Variants in SIPA1L2 observed in about 807,000 individuals in gnomAD.
SIPA1L2 encodes the protein signal induced proliferation associated 1 like 2.
In SIPA1L2, 56 loss-of-function variants were observed where a neutral mutation model predicts 163.9. The observed-to-expected ratio is 0.34, with a 90% CI of 0.28 to 0.43. SIPA1L2 has a LOEUF of 0.43. Ranked by LOEUF, SIPA1L2 falls within the 20% of genes least tolerant of loss-of-function variation. The pLI, the probability that SIPA1L2 is intolerant of heterozygous loss-of-function variation, is 1.00. For synonymous variants in SIPA1L2, 877 were observed against 865.7 expected (o/e 1.01, Z -0.23); for missense variants, 1,974 against 2,193.5 (o/e 0.90, Z 2.00).
In SIPA1L2 at chr1:232,410,762, AT is replaced by A. The variant is rs535894103; in HGVS notation, c.4762+4731del. On this transcript the variant is annotated intron_variant, in intron 19 of 22. Transcript: ENST00000674635. ...TCTAAGTACCTTATCCACCAAATGT[AT>A]TCCTATATAGCTACTTGACGTTCCT... Among the ~76,000 whole-genome samples the A allele has an allele frequency of 6.7e-3, 1,016 of 152,246 alleles. 18 individuals are homozygous for A. The highest frequency in any genetic ancestry group is 0.023 in the African/African-American group (946 of 41,524).
intron 2 of SIPA1L2, among the ~76,000 whole-genome samples, chr1:232,528,102 A>ATATATATATATAT (rs34779799): frequency 2.4e-4 from 28 of 118,412 alleles, no homozygotes; most frequent in African/African-American, 4.8e-4. Context: ...ATATATATAT[A>ATATATATATATAT]ATCAACTTTC....
At chr1:232,504,751 G>A (rs1354515413) in intron 3 of SIPA1L2, among the ~76,000 whole-genome samples, 1 of 152,118 alleles carries the variant, frequency 6.6e-6, no homozygotes, top group East Asian at 1.9e-4. Context: ...ATAATATTAA[G>A]TATCTTTCAC....
At chr1:232,445,836 T>C in intron 10 of SIPA1L2, 50 bp from the exon 11 acceptor site, 1 of 1,580,352 alleles carries the variant, frequency 6.3e-7, no homozygotes, top group Non-Finnish European at 8.6e-7. Flanking sequence ...AGCTGAGCTG[T>C]CAGCATGGCT....
At chr1:232,570,132 A>C (rs1255979971) in intron 2 of SIPA1L2, among the ~76,000 whole-genome samples, 1 of 152,240 alleles carries the variant, frequency 6.6e-6, no homozygotes, top group South Asian at 2.1e-4. Context: ...AGTGCCAGCT[A>C]TCTCGGAAAA....
At chr1:232,613,028 A>C (rs561253020) in intron 1 of SIPA1L2, among the ~76,000 whole-genome samples, 2 of 152,202 alleles carry the variant, frequency 1.3e-5, no homozygotes, top group African/African-American at 4.8e-5. Context: ...ACGAGATCTG[A>C]TGGTTTTCAT....
rs1660136552 is a variant in SIPA1L2, at chr1:232,398,232, T to C, written c.*895A>G. On this transcript the variant is annotated 3_prime_UTR_variant, in exon 23 of 23. Transcript: ENST00000674635. ...AAGGTTAAATAAGCTTAAATAAGGGTGTTAAATACAAGACACTTCATCAAA... is the reference window on the plus strand; with the variant it reads ...AAGGTTAAATAAGCTTAAATAAGGGCGTTAAATACAAGACACTTCATCAAA... 6.6e-6 allele frequency: 1 copy of C among 152,554 alleles called. No individual in the cohort carries two copies. The highest frequency in any genetic ancestry group is 1.5e-5 in the Non-Finnish European group (1 of 68,020). 9.5% of individuals were successfully genotyped at this position (152,554 alleles called of 1,614,324 possible). A position where few individuals can be genotyped will look rare whatever the true frequency, so the allele number is the denominator to read the frequency against.
chr1:232,568,308 C>G (rs1367157421), intron 2 of SIPA1L2, among the ~76,000 whole-genome samples: 4 of 152,162 alleles, frequency 2.6e-5, no homozygotes, highest in African/African-American at 9.7e-5. Context: ...CTGACACTAT[C>G]TCCAGGTAAA....
chr1:232,613,956 GGCA>G (rs1408397311), intron 1 of SIPA1L2, among the ~76,000 whole-genome samples: 2 of 152,058 alleles, frequency 1.3e-5, no homozygotes, highest in South Asian at 2.1e-4. Context: ...TTAGCAGGAG[GGCA>G]TTGTGCAGAA....
chr1:232,551,236 G>A lies in SIPA1L2; in HGVS notation c.-270+22938C>T, dbSNP rs563966566. On this transcript the variant is annotated intron_variant, in intron 2 of 22. Transcript: ENST00000674635. ...CAAAAAACAAAAACCACAAAACACT[G>A]GTGTAGTCCCTTCTGTCATGTCCCC... 7.9e-5 allele frequency among the ~76,000 whole-genome samples: 12 copies of A among 152,218 alleles called. No individual in the cohort carries two copies. In the South Asian group the frequency reaches 2.5e-3, roughly 32 times the overall value.
At chr1:232,553,972 C>A (rs1658552474) in intron 2 of SIPA1L2, among the ~76,000 whole-genome samples, 1 of 152,086 alleles carries the variant, frequency 6.6e-6, no homozygotes, top group Admixed American at 6.6e-5. Context: ...GCAGCAAGGC[C>A]CCATGGTAGG....
At chr1:232,449,513 G>A (rs1311438192) in intron 10 of SIPA1L2, among the ~76,000 whole-genome samples, 4 of 108,868 alleles carry the variant, frequency 3.7e-5, no homozygotes, top group African/African-American at 7.1e-5. Flanking sequence ...GCGAGACTCC[G>A]TCTCAAAAAA....
intron 1 of SIPA1L2, among the ~76,000 whole-genome samples, chr1:232,591,748 C>A (rs1353233426): frequency 6.6e-6 from 1 of 152,182 alleles, no homozygotes; most frequent in Non-Finnish European, 1.5e-5. Flanking sequence ...AAAATGCTTC[C>A]GAGCCCTTGT....
At chr1:232,534,383 TTAAC>T (rs1178417853) in intron 2 of SIPA1L2, among the ~76,000 whole-genome samples, 2 of 152,092 alleles carry the variant, frequency 1.3e-5, no homozygotes, top group Non-Finnish European at 2.9e-5. Flanking sequence ...TATACAAAAA[TTAAC>T]TAAAAATGGA....
In SIPA1L2 at chr1:232,441,755, A is replaced by G. The variant is rs1662910326; in HGVS notation, c.3538+13T>C. 1.2e-5 allele frequency: 19 copies of G among 1,610,354 alleles called. No homozygotes were observed. Among genetic ancestry groups the G allele is most frequent in the Non-Finnish European group, 1.5e-5 (18 of 1,177,086 alleles). ...GGAGCAAGGGAGGTCAATTTCCAGG[A>G]GTTCCTTATTACCCGGGTGCCTGCT... is the stretch of plus-strand genomic sequence containing the variant. On this transcript the variant is annotated intron_variant, in intron 13 of 22. Coordinates refer to ENST00000674635, the MANE Select transcript of SIPA1L2 (RefSeq NM_020808.5).
chr1:232,574,288 T>C (rs1200395592), intron 1 of SIPA1L2, among the ~76,000 whole-genome samples, 66 bp from the exon 2 acceptor site: 1 of 152,170 alleles, frequency 6.6e-6, no homozygotes, highest in African/African-American at 2.4e-5. Context: ...TTTCAACATG[T>C]GGTCTGAGGA....
chr1:232,533,096 G>A (rs556142668), intron 2 of SIPA1L2, among the ~76,000 whole-genome samples: 176 of 152,312 alleles, frequency 1.2e-3, no homozygotes, highest in South Asian at 2.3e-3. Flanking sequence ...CAGGTCAGTT[G>A]CTGGAGAATT....
intron 1 of SIPA1L2, among the ~76,000 whole-genome samples, chr1:232,610,622 C>T (rs550403459): frequency 3.3e-5 from 5 of 152,144 alleles, no homozygotes; most frequent in Non-Finnish European, 5.9e-5. Flanking sequence ...AACAAGCAAC[C>T]CCCTCCACAT....
rs769994881 is a variant in SIPA1L2, at chr1:232,402,443, T to C, written c.4971A>G (p.Lys1657=). ...GERSPSPLTG[K]VNQLELILRQ... ...GAAGAATTAATTCCAGCTGATTGACTTTCCCGGTCAGTGGTGATGGAGAAC... is the reference window on the plus strand; with the variant it reads ...GAAGAATTAATTCCAGCTGATTGACCTTCCCGGTCAGTGGTGATGGAGAAC... The change falls in exon 22 of 23, where the codon AAA becomes AAG. Residue 1657 remains lysine, a synonymous_variant. Coordinates refer to ENST00000674635, the MANE Select transcript of SIPA1L2 (RefSeq NM_020808.5). 14 of 1,613,556 alleles carry C rather than the reference T, an allele frequency of 8.7e-6. No individual in the cohort carries two copies. The highest frequency in any genetic ancestry group is 4.5e-5 in the East Asian group (2 of 44,878).
At chr1:232,623,031 T>C (rs1476901142) in intron 1 of SIPA1L2, among the ~76,000 whole-genome samples, 1 of 152,178 alleles carries the variant, frequency 6.6e-6, no homozygotes, top group Non-Finnish European at 1.5e-5. Flanking sequence ...CTGCTTATGT[T>C]CCATTATTAA....
Sources: allele counts gnomAD v4.1 joint callset (sites outside exome capture counted in the v4.1 genomes callset), GRCh38; gene constraint gnomAD v4.1.1; transcripts MANE v1.5; gene names NCBI Gene and HGNC (gene_info 2026-07-23, HGNC 2026-07-21).